The following TARS2 variants were observed in gnomAD, a reference collection of about 807,000 sequenced individuals.
TARS2 encodes threonyl-tRNA synthetase 2, mitochondrial.
Under a neutral mutation model 94.4 loss-of-function variants are expected in TARS2, and 61 were observed. The observed-to-expected ratio is 0.65, with a 90% CI of 0.53 to 0.80. The LOEUF (loss-of-function observed/expected upper bound fraction) is 0.80, where lower values mean the gene tolerates loss of function less well. Among genes scored for constraint, TARS2 ranks in the 30% least tolerant of loss-of-function variants. The probability of loss-of-function intolerance (pLI) is 0.00; values close to 1 mark genes in which losing one functional copy is unlikely to be tolerated. For missense variants in TARS2, 704 were observed against 902.5 expected, an observed-to-expected ratio of 0.78 and a Z score of 2.82; for synonymous variants, 359 against 353.4, an observed-to-expected ratio of 1.02 and a Z score of -0.18.
rs1460980274 is a variant in TARS2, at chr1:150,505,793, GT to G, written c.2008+90del. 4.7e-6 allele frequency: 6 copies of G among 1,268,030 alleles called. No individual in the cohort carries two copies. In the East Asian group the frequency reaches 1.2e-4, roughly 26 times the overall value. 78.5% of individuals were successfully genotyped at this position (1,268,030 alleles called of 1,614,324 possible). ...ACCAAGTCTGGTAATGCATATTTGG[GT>G]TAATTGGGGCTCATTACCTGAGCAG... On this transcript the variant is annotated intron_variant, in intron 17 of 17. Transcript: ENST00000369064.
chr1:150,505,053 A>G (rs1670139958), intron 16 of TARS2, 75 bp downstream of exon 16: 2 of 1,480,752 alleles, frequency 1.4e-6, no homozygotes, highest in Non-Finnish European at 1.9e-6. Flanking sequence ...GGGCAGGAAG[A>G]GGCTGCAGGG....
chr1:150,490,980 G>A (rs996522606), intron 4 of TARS2, among the ~76,000 whole-genome samples: 2 of 151,952 alleles, frequency 1.3e-5, no homozygotes, highest in African/African-American at 4.8e-5. Context: ...ACTTGAGCCT[G>A]GGAGGTTGAG....
intron 7 of TARS2, 66 bp from the exon 8 acceptor site, chr1:150,496,416 G>A: frequency 6.6e-7 from 1 of 1,526,088 alleles, no homozygotes; most frequent in Admixed American, 2.0e-5. Context: ...AGTATCATTT[G>A]AGTCTTGAAA....
At chr1:150,495,353 G>A (rs964223513) in intron 7 of TARS2, among the ~76,000 whole-genome samples, 6 of 148,864 alleles carry the variant, frequency 4.0e-5, no homozygotes, top group East Asian at 2.0e-4. Flanking sequence ...ACACACACAC[G>A]TATAGACTGT....
At position 150,504,896 on chromosome 1, in the gene TARS2, T is replaced by G. The variant is rs376026845; in HGVS notation, c.1821-10T>G. 66 of 1,614,200 alleles carry G rather than the reference T, an allele frequency of 4.1e-5. No individual in the cohort carries two copies. The South Asian group carries it at 6.4e-4, about 16-fold the overall frequency. ...GACTAATTTGCCATCACCTGTTCTT[T>G]CCCTACCAGGCCACTGTGGCTGTCC... On this transcript the variant is annotated splice_polypyrimidine_tract_variant and intron_variant, in intron 15 of 17. Coordinates refer to ENST00000369064, the MANE Select transcript of TARS2 (RefSeq NM_025150.5).
At chr1:150,506,186 G>A (rs774749386) in intron 17 of TARS2, among the ~76,000 whole-genome samples, 42 of 152,010 alleles carry the variant, frequency 2.8e-4, no homozygotes, top group Non-Finnish European at 4.7e-4. Flanking sequence ...CCTGATTCTT[G>A]AGTTTTGCAC....
intron 13 of TARS2, among the ~76,000 whole-genome samples, chr1:150,501,098 G>T (rs1419362894): frequency 6.6e-6 from 1 of 151,906 alleles, no homozygotes. Flanking sequence ...AGGATCATTT[G>T]CTGAAATGAG....
chr1:150,504,477 TGGAA>T (rs772834957), intron 14 of TARS2, 42 bp downstream of exon 14: 26 of 1,601,734 alleles, frequency 1.6e-5, no homozygotes, highest in Non-Finnish European at 2.1e-5. Flanking sequence ...TGACAGTGCA[TGGAA>T]TAAGTCCTTC....
intron 3 of TARS2, 61 bp downstream of exon 3, chr1:150,489,148 A>G (rs1331586329): frequency 6.2e-7 from 1 of 1,610,816 alleles, no homozygotes; most frequent in African/African-American, 1.3e-5. Context: ...TGAAGCAGGA[A>G]ATTCTAACAT....
rs1448547923 is a variant in TARS2 at position 150,498,758 on chromosome 1, T to C, written c.1401+94T>C. 17 of 1,606,942 alleles carry C rather than the reference T, an allele frequency of 1.1e-5. 1 individual carries two copies. The highest frequency in any genetic ancestry group is 1.4e-5 in the Non-Finnish European group (16 of 1,176,636). ...CCCTGATCTTTATTTGCCCCCTGTA[T>C]GTACTATAATTCAGCTACATTCTAC... On this transcript the variant is annotated intron_variant, in intron 11 of 17. Coordinates refer to ENST00000369064, the MANE Select transcript of TARS2 (RefSeq NM_025150.5).
intron 13 of TARS2, 76 bp from the exon 14 acceptor site, chr1:150,504,259 G>C: frequency 7.0e-7 from 1 of 1,427,242 alleles, no homozygotes; most frequent in Non-Finnish European, 9.8e-7. Context: ...AGGGTGGGAT[G>C]GCACAGGTAA....
In TARS2 at chr1:150,497,767, T is replaced by A; in HGVS notation, c.1238+20T>A. On this transcript the variant is annotated intron_variant, in intron 10 of 17. Coordinates refer to ENST00000369064, the MANE Select transcript of TARS2 (RefSeq NM_025150.5). Reference sequence around the variant, plus strand: ...ACACTGGTAAGCTGGGAGCTAGGGTTACAATCAGGTTGCTAAATATTAAAT... The same window carrying A: ...ACACTGGTAAGCTGGGAGCTAGGGTAACAATCAGGTTGCTAAATATTAAAT... 6.2e-7 allele frequency: 1 copy of A among 1,607,574 alleles called. No individual in the cohort carries two copies. Among genetic ancestry groups the A allele is most frequent in the Non-Finnish European group, 8.5e-7 (1 of 1,176,528 alleles).
At chr1:150,503,577 G>GTA (rs370458461) in intron 13 of TARS2, among the ~76,000 whole-genome samples, 2,087 of 141,510 alleles carry the variant, frequency 0.015, 72 homozygotes, top group African/African-American at 0.049. Context: ...GTGTGTGTGT[G>GTA]TATATATATG....
intron 3 of TARS2, among the ~76,000 whole-genome samples, chr1:150,489,832 A>G (rs1669304949): frequency 6.6e-6 from 1 of 152,078 alleles, no homozygotes; most frequent in Admixed American, 6.6e-5. Flanking sequence ...ATCCCAGCTA[A>G]TTGAGAGGCT....
rs779618807 is a variant in TARS2 at position 150,490,684 on chromosome 1, A to G, written c.471A>G (p.Thr157=). Residue 157 remains threonine, a synonymous_variant, in exon 4 of 18, where the codon ACA becomes ACG. Transcript: ENST00000369064. ...LGAVLCRGPS[T]EYGFYHDFFL... ...CTGTTCTCTGCAGAGGTCCAAGTACAGAATATGGCTTTTACCATGATTTCT... is the reference window on the plus strand; with the variant it reads ...CTGTTCTCTGCAGAGGTCCAAGTACGGAATATGGCTTTTACCATGATTTCT... 6.2e-7 allele frequency: 1 copy of G among 1,614,052 alleles called. No homozygotes were observed. Among genetic ancestry groups the G allele is most frequent in the South Asian group, 1.1e-5 (1 of 91,076 alleles).
chr1:150,505,940 A>G (rs910511968), intron 17 of TARS2, among the ~76,000 whole-genome samples: 2 of 152,024 alleles, frequency 1.3e-5, no homozygotes, highest in Admixed American at 1.3e-4. Context: ...ACTCCACTCT[A>G]GCTGTTGGTG....
At position 150,507,428 on chromosome 1, in the gene TARS2, G is replaced by T; in HGVS notation, c.*364G>T. 5.8e-6 allele frequency: 1 copy of T among 172,682 alleles called. No homozygotes were observed. The highest frequency in any genetic ancestry group is 1.2e-5 in the Non-Finnish European group (1 of 80,140). The allele number at this position is 172,682 out of a possible 1,614,324, so 10.7% of individuals were successfully genotyped here. A position where few individuals can be genotyped will look rare whatever the true frequency, so the allele number is the denominator to read the frequency against. ...ACTAAAAATACAAAAAATTAGCCGG[G>T]CATGGTGGCACACGCCTGTAATCCC... On this transcript the variant is annotated 3_prime_UTR_variant, in exon 18 of 18. Transcript: ENST00000369064.
chr1:150,501,507 T>A lies in TARS2; in HGVS notation c.1617+2214T>A, dbSNP rs1371096515. Among the ~76,000 whole-genome samples, 3 of 150,208 alleles carry A rather than the reference T, an allele frequency of 2.0e-5. No homozygotes were observed. The South Asian group carries it at 6.3e-4, about 32-fold the overall frequency. ...CATGCCTGGCTAATTTTTTTCTTTTTTTTTTTTTTTAGTAGATATGGGGTT... is the reference window on the plus strand; with the variant it reads ...CATGCCTGGCTAATTTTTTTCTTTTATTTTTTTTTTAGTAGATATGGGGTT... On this transcript the variant is annotated intron_variant, in intron 13 of 17. Coordinates refer to ENST00000369064, the MANE Select transcript of TARS2 (RefSeq NM_025150.5).
In TARS2 at chr1:150,487,621, G is replaced by A. The variant is rs142901683; in HGVS notation, c.66+105G>A. 172 of 1,461,830 alleles carry A rather than the reference G, an allele frequency of 1.2e-4. No individual in the cohort carries two copies. In the African/African-American group the frequency reaches 2.1e-3, roughly 17 times the overall value. 90.6% of individuals were successfully genotyped at this position (1,461,830 alleles called of 1,614,324 possible). A position where few individuals can be genotyped will look rare whatever the true frequency, so the allele number is the denominator to read the frequency against. On this transcript the variant is annotated intron_variant, in intron 1 of 17. Transcript: ENST00000369064. ...CCTCACGCCACTCCTCCTCTCCCTGGTCCTCCGAGTCCCCAGAAAAGGACT... is the reference window on the plus strand; with the variant it reads ...CCTCACGCCACTCCTCCTCTCCCTGATCCTCCGAGTCCCCAGAAAAGGACT...
Sources: gnomAD v4.1 joint callset for allele counts (sites outside exome capture counted in the v4.1 genomes callset) on GRCh38, gnomAD v4.1.1 for gene constraint, MANE v1.5 for transcripts, NCBI Gene and HGNC (gene_info 2026-07-23, HGNC 2026-07-21) for gene names.